ZBTB20: variants seen among roughly 807,000 people sequenced by gnomAD.
The protein encoded by ZBTB20 is zinc finger and BTB domain containing 20.
ZBTB20 carries 9 observed loss-of-function variants against 56.9 expected under a neutral mutation model. The ratio of observed to expected loss-of-function variants is 0.16; its 90% CI spans 0.10 to 0.28. The LOEUF (loss-of-function observed/expected upper bound fraction) is 0.28. ZBTB20 is among the 10% of genes least tolerant of loss of function. ZBTB20 has a pLI of 1.00. For missense variants in ZBTB20, 655 were observed against 1,003.0 expected, an observed-to-expected ratio of 0.65 and a Z score of 4.69; for synonymous variants, 417 against 420.7, an observed-to-expected ratio of 0.99 and a Z score of 0.11.
chr3:114,594,057 C>A (rs1176773061), intron 6 of ZBTB20, among the ~76,000 whole-genome samples: 1 of 152,084 alleles, frequency 6.6e-6, no homozygotes, highest in Non-Finnish European at 1.5e-5. Context: ...TCTCACTTTA[C>A]TATGTGATTA....
chr3:114,777,788 A>G (rs957470094), intron 5 of ZBTB20, among the ~76,000 whole-genome samples: 7 of 152,086 alleles, frequency 4.6e-5, no homozygotes, highest in African/African-American at 1.7e-4. Context: ...ATAAAGACAC[A>G]TGCACATGTA....
chr3:114,339,484 G>T lies in ZBTB20; in HGVS notation c.1805-58C>A. ...AGAGCGAGACATAGCAAGGGATAGAGAATGAAGGACAGGAAAAACAAGACA... is the reference window on the plus strand; with the variant it reads ...AGAGCGAGACATAGCAAGGGATAGATAATGAAGGACAGGAAAAACAAGACA... On this transcript the variant is annotated intron_variant, in intron 11 of 11. Coordinates refer to ENST00000675478, the MANE Select transcript of ZBTB20 (RefSeq NM_001348800.3). This position sits in a 1 kb window ranked among gnomAD's most constrained non-coding sequence, Gnocchi z 4.2. The T allele has an allele frequency of 6.6e-7, 1 of 1,523,746 alleles. No individual in the cohort carries two copies. The allele number at this position is 1,523,746 out of a possible 1,614,324, so 94.4% of individuals were successfully genotyped here.
intron 6 of ZBTB20, among the ~76,000 whole-genome samples, chr3:114,647,066 C>A (rs2059885811): frequency 6.6e-6 from 1 of 152,176 alleles, no homozygotes; most frequent in Middle Eastern, 3.4e-3. Context: ...TCATGCCATT[C>A]TCCTGCCTCA....
intron 4 of ZBTB20, among the ~76,000 whole-genome samples, chr3:114,830,048 C>T (rs937418673): frequency 6.6e-6 from 1 of 151,898 alleles, no homozygotes; most frequent in African/African-American, 2.4e-5. Flanking sequence ...ATGTATGCAT[C>T]ACAAAGTACA....
chr3:114,921,341 T>C (rs1228114456), intron 3 of ZBTB20, among the ~76,000 whole-genome samples: 1 of 152,240 alleles, frequency 6.6e-6, no homozygotes, highest in East Asian at 1.9e-4. Flanking sequence ...CAGGCTGGTC[T>C]CAACCTCCAG....
At chr3:114,915,048 T>A (rs1576312783) in intron 3 of ZBTB20, among the ~76,000 whole-genome samples, 1 of 151,592 alleles carries the variant, frequency 6.6e-6, no homozygotes, top group Non-Finnish European at 1.5e-5. Flanking sequence ...TTTTTTTTTT[T>A]AAATGTGTCT....
intron 5 of ZBTB20, among the ~76,000 whole-genome samples, chr3:114,741,515 G>T (rs1312727549): frequency 6.6e-6 from 1 of 152,084 alleles, no homozygotes; most frequent in South Asian, 2.1e-4. Flanking sequence ...TAAGCAAATA[G>T]GCTTATGAAA....
rs2079005580 is a variant in ZBTB20 at position 114,324,653 on chromosome 3, A to G, written c.*14352T>C. ...TTATTAAATACAAAAGTGAATTATT[A>G]CAGCAAAATTAAGAGTCTGCATTGT... On this transcript the variant is annotated 3_prime_UTR_variant, in exon 12 of 12. Transcript: ENST00000675478. 6.6e-6 allele frequency: 1 copy of G among 152,246 alleles called. No individual in the cohort carries two copies. The highest frequency in any genetic ancestry group is 2.4e-5 in the African/African-American group (1 of 41,478). 9.4% of individuals were successfully genotyped at this position (152,246 alleles called of 1,614,324 possible).
At chr3:114,871,111 A>G (rs927922004) in intron 4 of ZBTB20, among the ~76,000 whole-genome samples, 2 of 152,200 alleles carry the variant, frequency 1.3e-5, no homozygotes, top group African/African-American at 4.8e-5. Flanking sequence ...GACTACTGAC[A>G]TGAAATTAAC....
intron 1 of ZBTB20, among the ~76,000 whole-genome samples, chr3:115,104,786 T>C (rs1398412861): frequency 6.6e-6 from 1 of 152,186 alleles, no homozygotes; most frequent in Admixed American, 6.5e-5. Context: ...TAGTGACAGA[T>C]AGATGTCATA....
chr3:114,753,479 G>A (rs1318566174), intron 5 of ZBTB20, among the ~76,000 whole-genome samples: 1 of 89,160 alleles, frequency 1.1e-5, no homozygotes, highest in Non-Finnish European at 2.4e-5. Context: ...TTGTTCCCCA[G>A]GCTGGAGTGC....
At chr3:115,018,089 T>A (rs1484550115) in intron 2 of ZBTB20, among the ~76,000 whole-genome samples, 1 of 151,478 alleles carries the variant, frequency 6.6e-6, no homozygotes, top group East Asian at 2.0e-4. Flanking sequence ...TTTGTATGCA[T>A]GAAGTTACCA....
chr3:114,945,088 AAT>A (rs1333197752), intron 3 of ZBTB20, among the ~76,000 whole-genome samples: 2 of 145,658 alleles, frequency 1.4e-5, no homozygotes, highest in Non-Finnish European at 3.0e-5. Context: ...GTATCTCATA[AAT>A]ATATATAATT....
At chr3:114,353,888 C>T (rs1299293684) in intron 10 of ZBTB20, among the ~76,000 whole-genome samples, 3 of 152,310 alleles carry the variant, frequency 2.0e-5, no homozygotes, top group Admixed American at 6.5e-5. Context: ...CAAGTACACA[C>T]AGGCAATTGC....
chr3:114,646,693 T>A (rs2059859083), intron 6 of ZBTB20, among the ~76,000 whole-genome samples: 1 of 152,224 alleles, frequency 6.6e-6, no homozygotes. Context: ...TCAAAAGCCC[T>A]ATTTTGTTTA....
chr3:114,925,912 G>C (rs2076141244), intron 3 of ZBTB20, among the ~76,000 whole-genome samples: 1 of 152,134 alleles, frequency 6.6e-6, no homozygotes. Flanking sequence ...GTGTTACATT[G>C]AGCCAAAGAG....
chr3:114,778,765 G>A (rs990058730), intron 5 of ZBTB20, among the ~76,000 whole-genome samples: 3 of 152,150 alleles, frequency 2.0e-5, no homozygotes, highest in African/African-American at 7.2e-5. Context: ...ATAGTCCAAT[G>A]ACAGAACATG....
intron 10 of ZBTB20, among the ~76,000 whole-genome samples, chr3:114,369,145 T>C (rs537872434): frequency 9.9e-5 from 15 of 152,270 alleles, no homozygotes; most frequent in Admixed American, 3.9e-4. Flanking sequence ...AGTGATTATA[T>C]AGGGAAGAAC....
chr3:114,672,684 T>C lies in ZBTB20; in HGVS notation c.-295+20844A>G, dbSNP rs539637265. Among the ~76,000 whole-genome samples the C allele has an allele frequency of 8.5e-5, 13 of 152,318 alleles. No homozygotes were observed. In the East Asian group the frequency reaches 2.5e-3, roughly 29 times the overall value. ...AATCCTGTTGTATTGGCTTCTCTGT[T>C]TTCCCTTTCCTGGAAGCGCTGTAGC... On this transcript the variant is annotated intron_variant, in intron 6 of 11. Transcript: ENST00000675478.
Sources: allele counts gnomAD v4.1 joint callset (sites outside exome capture counted in the v4.1 genomes callset), GRCh38; gene constraint gnomAD v4.1.1; non-coding constraint Gnocchi (gnomAD v3.1); transcripts MANE v1.5; gene names NCBI Gene and HGNC (gene_info 2026-07-23, HGNC 2026-07-21).